Variants in CRACR2A observed in about 807,000 individuals in gnomAD.
CRACR2A encodes the protein EF-hand calcium-binding domain-containing protein 4B.
Under a neutral mutation model 90.5 loss-of-function variants are expected in CRACR2A, and 79 were observed. The observed-to-expected ratio is 0.87, with a 90% CI of 0.73 to 1.05. The LOEUF (loss-of-function observed/expected upper bound fraction) is 1.05, where lower values mean the gene tolerates loss of function less well. Among genes scored for constraint, CRACR2A ranks in the 50% least tolerant of loss-of-function variants. The pLI is 0.00. For synonymous variants in CRACR2A, 338 were observed against 356.7 expected (o/e 0.95, Z 0.59); for missense variants, 823 against 897.2 (o/e 0.92, Z 1.06).
At chr12:3,621,116 G>A (rs192041820) in intron 17 of CRACR2A, among the ~76,000 whole-genome samples, 1 of 152,312 alleles carries the variant, frequency 6.6e-6, no homozygotes, top group East Asian at 1.9e-4. Flanking sequence ...GTAGATTTAT[G>A]TGTGAGGAAT....
chr12:3,674,512 G>A (rs1459925368), intron 6 of CRACR2A, among the ~76,000 whole-genome samples: 1 of 152,190 alleles, frequency 6.6e-6, no homozygotes, highest in African/African-American at 2.4e-5. Context: ...ACATAAATCT[G>A]AAAGAGGATA....
intron 10 of CRACR2A, among the ~76,000 whole-genome samples, chr12:3,649,365 C>T (rs566314037): frequency 6.6e-6 from 1 of 152,250 alleles, no homozygotes; most frequent in East Asian, 1.9e-4. Context: ...AGGGTGAGAG[C>T]AGAATTTGTA....
At chr12:3,630,988 G>T (rs1392075114) in intron 15 of CRACR2A, among the ~76,000 whole-genome samples, 1 of 152,252 alleles carries the variant, frequency 6.6e-6, no homozygotes, top group African/African-American at 2.4e-5. Flanking sequence ...CCCTTGACAG[G>T]AGATGGGCTG....
chr12:3,686,719 C>T (rs943446300), intron 4 of CRACR2A, among the ~76,000 whole-genome samples: 3 of 152,144 alleles, frequency 2.0e-5, no homozygotes, highest in Non-Finnish European at 2.9e-5. Context: ...TGCAAAGCAA[C>T]ATCTACCCCA....
intron 7 of CRACR2A, among the ~76,000 whole-genome samples, chr12:3,660,511 A>G (rs1210619283): frequency 6.6e-6 from 1 of 152,048 alleles, no homozygotes; most frequent in African/African-American, 2.4e-5. Context: ...ACACACAGCC[A>G]TGGGGACAAG....
In CRACR2A at chr12:3,653,339, T is replaced by C. The variant is rs527784803; in HGVS notation, c.1046+873A>G. On this transcript the variant is annotated intron_variant, in intron 10 of 19. Coordinates refer to ENST00000440314, the MANE Select transcript of CRACR2A (RefSeq NM_001144958.2). ...AAATTATCGACATAAGTGAGATATA[T>C]TGAATGCCCAGCACGGTACCTAGCA... Among the ~76,000 whole-genome samples, 8 of 152,316 alleles carry C rather than the reference T, an allele frequency of 5.3e-5. No homozygotes were observed. In the East Asian group the frequency reaches 1.2e-3, roughly 22 times the overall value.
In CRACR2A at chr12:3,673,404, TCA is replaced by T. The variant is rs776900053; in HGVS notation, c.671+40_671+41del. The T allele has an allele frequency of 1.9e-6, 3 of 1,581,674 alleles. No individual in the cohort carries two copies. In the South Asian group the frequency reaches 3.5e-5, roughly 19 times the overall value. ...AAAGTGCACCGTGTGTCTCTCTTTT[TCA>T]CACATAGTTACAGAAAGCGGCTGAC... On this transcript the variant is annotated intron_variant, in intron 7 of 19. Transcript: ENST00000440314.
At chr12:3,673,665 G>A (rs1480743685) in intron 6 of CRACR2A, 73 bp from the exon 7 acceptor site, 21 of 1,554,464 alleles carry the variant, frequency 1.4e-5, no homozygotes, top group Non-Finnish European at 1.6e-5. Flanking sequence ...TTCCCAGACA[G>A]GAAACTGACA....
Position 3,619,354 on chromosome 12 carries a change from C to G in CRACR2A, c.1951G>C (p.Val651Leu). 6.4e-7 allele frequency: 1 copy of G among 1,551,686 alleles called. No individual in the cohort carries two copies. The highest frequency in any genetic ancestry group is 8.7e-7 in the Non-Finnish European group (1 of 1,146,986). The change falls in exon 18 of 20, where the codon GTG becomes CTG. Residue 651 changes from valine to leucine, a missense_variant. Val to Leu is a conservative substitution (Grantham distance 32). Transcript: ENST00000440314. ...TTATTACCCAGCAGAAGAACAGGCACCCGGTCTCCCACAGCTTCCTGCAGA... is the reference window on the plus strand; with the variant it reads ...TTATTACCCAGCAGAAGAACAGGCAGCCGGTCTCCCACAGCTTCCTGCAGA... ...SSVEEAVGDR[V>L]PVLLLGNKLD...
At chr12:3,721,830 G>A (rs1229022703) in intron 2 of CRACR2A, among the ~76,000 whole-genome samples, 1 of 152,134 alleles carries the variant, frequency 6.6e-6, no homozygotes, top group East Asian at 1.9e-4. Flanking sequence ...TATTCTCTGT[G>A]TTTATGTTAA....
chr12:3,750,520 C>T (rs1322379338), intron 1 of CRACR2A, among the ~76,000 whole-genome samples: 1 of 152,220 alleles, frequency 6.6e-6, no homozygotes, highest in East Asian at 1.9e-4. Context: ...TTGGCAATTA[C>T]ATCTTTTAGC....
chr12:3,699,455 G>A (rs1292755866), intron 3 of CRACR2A, among the ~76,000 whole-genome samples: 1 of 152,154 alleles, frequency 6.6e-6, no homozygotes, highest in Non-Finnish European at 1.5e-5. Flanking sequence ...TTCAATAATG[G>A]TGACTGATAG....
At chr12:3,664,550 T>G (rs1945093605) in intron 7 of CRACR2A, among the ~76,000 whole-genome samples, 2 of 152,218 alleles carry the variant, frequency 1.3e-5, no homozygotes, top group Admixed American at 1.3e-4. Context: ...GGATGGAATT[T>G]TTTTATTACT....
chr12:3,684,862 C>A (rs1239174840), intron 4 of CRACR2A, among the ~76,000 whole-genome samples: 3 of 152,202 alleles, frequency 2.0e-5, no homozygotes, highest in African/African-American at 7.2e-5. Context: ...AGGACACATG[C>A]CCAAAGAAAG....
In CRACR2A at chr12:3,679,104, G is replaced by A. The variant is rs778232117; in HGVS notation, c.341-6C>T. On this transcript the variant is annotated splice_polypyrimidine_tract_variant and splice_region_variant and intron_variant, in intron 5 of 19. Transcript: ENST00000440314. ...CTGGCTGAAGAAGAAGTGACCTGGG[G>A]GGTGCAGGGCACAAGGATCCGAATT... The A allele has an allele frequency of 5.6e-6, 9 of 1,610,252 alleles. No homozygotes were observed. In the South Asian group the frequency reaches 6.6e-5, roughly 12 times the overall value.
chr12:3,646,863 T>C (rs563884949), intron 11 of CRACR2A, among the ~76,000 whole-genome samples: 1 of 152,334 alleles, frequency 6.6e-6, no homozygotes, highest in South Asian at 2.1e-4. Flanking sequence ...AAGAAACATA[T>C]CTGCTTTTGT....
rs539422268 is a variant in CRACR2A, at chr12:3,750,519, A to C, written c.-387+2496T>G. Among the ~76,000 whole-genome samples, 112 of 152,358 alleles carry C rather than the reference A, an allele frequency of 7.4e-4. 1 individual carries two copies. The highest frequency in any genetic ancestry group is 2.7e-3 in the African/African-American group (111 of 41,590). ...CAATATTCTGCAATATTTGGCAATT[A>C]CATCTTTTAGCTCTTCTCTAGGGGA... On this transcript the variant is annotated intron_variant, in intron 1 of 19. Coordinates refer to ENST00000440314, the MANE Select transcript of CRACR2A (RefSeq NM_001144958.2).
intron 10 of CRACR2A, among the ~76,000 whole-genome samples, chr12:3,650,152 G>T (rs1216422138): frequency 6.6e-6 from 1 of 152,210 alleles, no homozygotes; most frequent in Non-Finnish European, 1.5e-5. Context: ...TCCATGGGCT[G>T]TCAGGGCTGC....
At chr12:3,742,707 G>A (rs1172218662) in intron 1 of CRACR2A, among the ~76,000 whole-genome samples, 2 of 152,194 alleles carry the variant, frequency 1.3e-5, no homozygotes, top group Admixed American at 1.3e-4. Context: ...CTATAAGATG[G>A]ACAGAAGGAC....
Sources: gnomAD v4.1 joint callset for allele counts (sites outside exome capture counted in the v4.1 genomes callset) on GRCh38, gnomAD v4.1.1 for gene constraint, MANE v1.5 for transcripts, NCBI Gene and HGNC (gene_info 2026-07-23, HGNC 2026-07-21) for gene names.